NKAIN3: variants seen among roughly 807,000 people sequenced by gnomAD.
The protein encoded by NKAIN3 is sodium/potassium-transporting ATPase subunit beta-1-interacting protein 3.
A neutral mutation model predicts 30.2 loss-of-function variants in NKAIN3; 25 were observed. The observed-to-expected ratio is 0.83, with a 90% CI of 0.60 to 1.16. NKAIN3 has a LOEUF of 1.16. Among genes scored for constraint, NKAIN3 ranks in the 50% most tolerant of loss-of-function variants. The pLI is 0.00. For missense variants in NKAIN3, 225 were observed against 254.1 expected (o/e 0.89, Z 0.78); for synonymous variants, 91 against 89.6 (o/e 1.02, Z -0.09).
intron 4 of NKAIN3, among the ~76,000 whole-genome samples, chr8:62,876,921 GTGTT>G (rs1820814045): frequency 6.6e-6 from 1 of 151,642 alleles, no homozygotes; most frequent in African/African-American, 2.4e-5. Context: ...CATGTATCCC[GTGTT>G]TGTTTGTTTG....
At chr8:62,908,792 A>G (rs765567017) in intron 4 of NKAIN3, among the ~76,000 whole-genome samples, 8 of 152,190 alleles carry the variant, frequency 5.3e-5, no homozygotes, top group Admixed American at 4.6e-4. Context: ...GTATGTCTTT[A>G]TTAGAAGCAT....
intron 5 of NKAIN3, among the ~76,000 whole-genome samples, chr8:62,995,138 C>A (rs1804078734): frequency 6.6e-6 from 1 of 152,134 alleles, no homozygotes; most frequent in South Asian, 2.1e-4. Context: ...AATTAAATAG[C>A]TCTACAGATG....
intron 4 of NKAIN3, among the ~76,000 whole-genome samples, chr8:62,797,189 A>G (rs867264524): frequency 1.3e-5 from 2 of 152,220 alleles, no homozygotes; most frequent in Non-Finnish European, 2.9e-5. Context: ...AATCACTTTC[A>G]TAGCTAAACA....
chr8:62,302,018 C>T (rs963837192), intron 1 of NKAIN3, among the ~76,000 whole-genome samples: 3 of 152,052 alleles, frequency 2.0e-5, no homozygotes, highest in Admixed American at 1.3e-4. Context: ...GCCTGAATGC[C>T]ATCCTTTAAT....
chr8:62,373,141 T>G (rs915750674), intron 1 of NKAIN3, among the ~76,000 whole-genome samples: 1 of 152,292 alleles, frequency 6.6e-6, no homozygotes, highest in East Asian at 1.9e-4. Context: ...AGTGCCAGGA[T>G]CTGTGTGAAG....
At chr8:62,855,786 T>A in intron 4 of NKAIN3, 1 of 1,070,040 alleles carries the variant, frequency 9.3e-7, no homozygotes, top group South Asian at 1.3e-5. Context: ...CTTCCTTTTA[T>A]CATCAGCAAA....
intron 4 of NKAIN3, among the ~76,000 whole-genome samples, chr8:62,823,568 A>C (rs1818920182): frequency 6.6e-6 from 1 of 152,178 alleles, no homozygotes. Flanking sequence ...CAAAAAGAAG[A>C]ATGTTGCTTT....
chr8:62,723,933 C>A (rs929134680), intron 3 of NKAIN3, among the ~76,000 whole-genome samples: 1 of 152,108 alleles, frequency 6.6e-6, no homozygotes, highest in Non-Finnish European at 1.5e-5. Context: ...CAGATTTTTT[C>A]TAACTTCTTA....
intron 1 of NKAIN3, among the ~76,000 whole-genome samples, chr8:62,456,837 A>C (rs1805839016): frequency 1.3e-5 from 2 of 152,222 alleles, no homozygotes; most frequent in South Asian, 4.1e-4. Flanking sequence ...AAATAATCCT[A>C]ATGCACCCAG....
At chr8:62,837,776 C>T (rs1330814693) in intron 4 of NKAIN3, among the ~76,000 whole-genome samples, 2 of 152,030 alleles carry the variant, frequency 1.3e-5, no homozygotes, top group Admixed American at 6.6e-5. Flanking sequence ...TTCACTTTGT[C>T]GCTGATGACA....
At chr8:62,804,904 A>G (rs1157491345) in intron 4 of NKAIN3, among the ~76,000 whole-genome samples, 2 of 152,218 alleles carry the variant, frequency 1.3e-5, no homozygotes, top group South Asian at 2.1e-4. Flanking sequence ...AGAAAACCCC[A>G]TTGTCTCAGC....
intron 6 of NKAIN3, among the ~76,000 whole-genome samples, 159 bp downstream of exon 6, chr8:62,954,131 A>G (rs898040040): frequency 3.9e-5 from 6 of 152,318 alleles, no homozygotes; most frequent in Admixed American, 3.9e-4. Context: ...CATCATCATT[A>G]TTATTATTCA....
chr8:62,808,902 A>G (rs1349371188), intron 4 of NKAIN3, among the ~76,000 whole-genome samples: 1 of 152,174 alleles, frequency 6.6e-6, no homozygotes, highest in Non-Finnish European at 1.5e-5. Context: ...GAATTTCCTC[A>G]TCCTAATAGG....
chr8:62,896,963 G>C (rs1161846281), intron 4 of NKAIN3, among the ~76,000 whole-genome samples: 1 of 152,190 alleles, frequency 6.6e-6, no homozygotes, highest in Non-Finnish European at 1.5e-5. Flanking sequence ...TCTGACATCT[G>C]TGGGTAGAAG....
At chr8:62,857,006 C>T (rs1820080542) in intron 4 of NKAIN3, 3 of 524,022 alleles carry the variant, frequency 5.7e-6, no homozygotes, top group African/African-American at 3.9e-5. Flanking sequence ...ATAGTCTCCA[C>T]TTGCTTCAAG....
chr8:62,389,697 T>C (rs964205433), intron 1 of NKAIN3, among the ~76,000 whole-genome samples: 1 of 152,200 alleles, frequency 6.6e-6, no homozygotes, highest in African/African-American at 2.4e-5. Flanking sequence ...GGATGGATGA[T>C]TCAATGTTTC....
At chr8:62,391,280 A>G (rs1388274942) in intron 1 of NKAIN3, among the ~76,000 whole-genome samples, 2 of 152,172 alleles carry the variant, frequency 1.3e-5, no homozygotes, top group Non-Finnish European at 2.9e-5. Context: ...ATTGTTTTGT[A>G]TAGCCAAGTC....
chr8:62,478,161 T>A (rs1488166698), intron 1 of NKAIN3, among the ~76,000 whole-genome samples: 1 of 150,958 alleles, frequency 6.6e-6, no homozygotes, highest in Non-Finnish European at 1.5e-5. Flanking sequence ...CTGATAGGAG[T>A]TATTATTATT....
intron 1 of NKAIN3, among the ~76,000 whole-genome samples, chr8:62,319,700 T>C (rs1458395753): frequency 6.6e-6 from 1 of 152,230 alleles, no homozygotes; most frequent in African/African-American, 2.4e-5. Flanking sequence ...TAAGAGACAA[T>C]TTATTATAAT....
Sources: allele counts gnomAD v4.1 joint callset (sites outside exome capture counted in the v4.1 genomes callset), GRCh38; gene constraint gnomAD v4.1.1; transcripts MANE v1.5; gene names NCBI Gene and HGNC (gene_info 2026-07-23, HGNC 2026-07-21).